The following ANO10 variants were observed in gnomAD, a reference collection of about 807,000 sequenced individuals.
The protein encoded by ANO10 is anoctamin 10, also known as anoctamin-10.
A neutral mutation model predicts 74.7 loss-of-function variants in ANO10; 77 were observed. The observed-to-expected ratio is 1.03, with a 90% confidence interval of 0.86 to 1.25. ANO10 has a LOEUF of 1.25. Ranked by LOEUF, ANO10 falls within the 50% of genes most tolerant of loss-of-function variation. The pLI is 0.00. For missense variants in ANO10, 721 were observed against 778.1 expected (o/e 0.93, Z 0.87); for synonymous variants, 279 against 284.9 (o/e 0.98, Z 0.21).
intron 1 of ANO10, among the ~76,000 whole-genome samples, chr3:43,678,433 T>C (rs1006758314): frequency 6.6e-6 from 1 of 152,178 alleles, no homozygotes; most frequent in Non-Finnish European, 1.5e-5. Context: ...CTGGGCCTGG[T>C]AGTTAAAGAT....
intron 12 of ANO10, among the ~76,000 whole-genome samples, chr3:43,371,177 C>G (rs1305078218): frequency 6.6e-6 from 1 of 152,180 alleles, no homozygotes; most frequent in African/African-American, 2.4e-5. Flanking sequence ...CCCCCCGTCC[C>G]AAACCAAGAC....
At chr3:43,628,416 G>A (rs1205079514) in intron 1 of ANO10, among the ~76,000 whole-genome samples, 3 of 152,210 alleles carry the variant, frequency 2.0e-5, no homozygotes, top group South Asian at 2.1e-4. Flanking sequence ...CCTGTCAGCC[G>A]AGGAGGATGT....
intron 1 of ANO10, among the ~76,000 whole-genome samples, chr3:43,627,636 T>C (rs1447449160): frequency 1.3e-5 from 2 of 152,254 alleles, no homozygotes; most frequent in African/African-American, 2.4e-5. Context: ...GATACCAAGA[T>C]AGTGCATCTA....
intron 11 of ANO10, among the ~76,000 whole-genome samples, chr3:43,444,557 ACTTC>A (rs1395515321): frequency 1.3e-5 from 2 of 152,238 alleles, no homozygotes; most frequent in African/African-American, 4.8e-5. Flanking sequence ...CTATATACTT[ACTTC>A]ATTTACTTTA....
intron 11 of ANO10, among the ~76,000 whole-genome samples, chr3:43,535,181 C>A (rs1307972674): frequency 1.3e-5 from 2 of 151,752 alleles, no homozygotes; most frequent in African/African-American, 2.4e-5. Context: ...GCCATGTTGG[C>A]CAGGCTGGTC....
intron 1 of ANO10, among the ~76,000 whole-genome samples, chr3:43,633,884 G>T (rs915587296): frequency 2.7e-5 from 4 of 149,538 alleles, no homozygotes; most frequent in Non-Finnish European, 5.9e-5. Context: ...CAATAAATTT[G>T]CATCGTAGCT....
chr3:43,518,553 C>G (rs985278199), intron 11 of ANO10, among the ~76,000 whole-genome samples: 1 of 152,158 alleles, frequency 6.6e-6, no homozygotes, highest in Non-Finnish European at 1.5e-5. Flanking sequence ...CTGGACAGAA[C>G]AGTCATATTT....
chr3:43,623,192 G>A (rs920413000), upstream of ANO10, among the ~76,000 whole-genome samples: 2 of 151,914 alleles, frequency 1.3e-5, no homozygotes, highest in Non-Finnish European at 2.9e-5. Flanking sequence ...AGTTACCCAG[G>A]GTCTACCACA....
intron 1 of ANO10, among the ~76,000 whole-genome samples, chr3:43,679,784 G>C (rs1396554423): frequency 6.6e-6 from 1 of 152,184 alleles, no homozygotes; most frequent in African/African-American, 2.4e-5. Flanking sequence ...CTGTTCACCA[G>C]TATCTGCTGT....
intron 12 of ANO10, among the ~76,000 whole-genome samples, chr3:43,419,555 G>A (rs1243938263): frequency 7.1e-6 from 1 of 139,954 alleles, no homozygotes; most frequent in Non-Finnish European, 1.5e-5. Context: ...ATGGAGTCTT[G>A]CTCTGTTGCC....
chr3:43,605,996 A>T, intron 1 of ANO10, 133 bp from the exon 2 acceptor site: 2 of 928,656 alleles, frequency 2.2e-6, no homozygotes, highest in South Asian at 3.0e-5. Flanking sequence ...CGTGATTCAG[A>T]TGGGTTATAT....
chr3:43,646,023 G>T (rs1575577337), intron 1 of ANO10, among the ~76,000 whole-genome samples: 1 of 152,044 alleles, frequency 6.6e-6, no homozygotes, highest in East Asian at 1.9e-4. Flanking sequence ...GCCCAGGCTG[G>T]TCTCAAACTC....
chr3:43,392,347 A>G lies in ANO10; in HGVS notation c.1915-25373T>C, dbSNP rs150660137. 3.3e-5 allele frequency among the ~76,000 whole-genome samples: 5 copies of G among 152,366 alleles called. No homozygotes were observed. The East Asian group carries it at 9.6e-4, about 29-fold the overall frequency. ...GGTTTAAAAAAATAAATATCAGTGT[A>G]GGATACCTCTGGAACATCTATCCTC... is the stretch of plus-strand genomic sequence containing the variant. On this transcript the variant is annotated intron_variant, in intron 12 of 12. Coordinates refer to ENST00000292246, the MANE Select transcript of ANO10 (RefSeq NM_018075.5).
At chr3:43,560,077 G>A (rs564509964) in intron 9 of ANO10, among the ~76,000 whole-genome samples, 4 of 152,202 alleles carry the variant, frequency 2.6e-5, no homozygotes, top group Non-Finnish European at 5.9e-5. Context: ...CTCCCCTGGA[G>A]TGTAACTGGA....
At chr3:43,689,245 T>C (rs1013911337) in intron 1 of ANO10, 2 of 152,328 alleles carry the variant, frequency 1.3e-5, no homozygotes, top group South Asian at 4.1e-4. Context: ...TCAGAGCACA[T>C]ACTTACCTAC....
chr3:43,496,597 CT>C (rs544211951), intron 11 of ANO10, among the ~76,000 whole-genome samples: 14 of 151,988 alleles, frequency 9.2e-5, no homozygotes, highest in Non-Finnish European at 1.5e-4. Flanking sequence ...CAATACCCTG[CT>C]AATTTACATA....
At chr3:43,418,870 T>C (rs2092779860) in intron 12 of ANO10, among the ~76,000 whole-genome samples, 1 of 152,340 alleles carries the variant, frequency 6.6e-6, no homozygotes, top group East Asian at 1.9e-4. Context: ...CTACAGCCTG[T>C]TCGGTAAACA....
At chr3:43,561,165 G>T in intron 9 of ANO10, 55 bp downstream of exon 9, 1 of 1,570,674 alleles carries the variant, frequency 6.4e-7, no homozygotes, top group Non-Finnish European at 8.8e-7. Context: ...TGAACTCAGT[G>T]CATGGCTATT....
intron 2 of ANO10, among the ~76,000 whole-genome samples, chr3:43,605,054 C>T (rs2082498194): frequency 6.6e-6 from 1 of 152,026 alleles, no homozygotes; most frequent in Admixed American, 6.6e-5. Flanking sequence ...AAAATACTTG[C>T]TCATGTAAAA....
Sources: gnomAD v4.1 joint callset for allele counts (sites outside exome capture counted in the v4.1 genomes callset) on GRCh38, gnomAD v4.1.1 for gene constraint, MANE v1.5 for transcripts, NCBI Gene and HGNC (gene_info 2026-07-23, HGNC 2026-07-21) for gene names.